The following ELAVL2 variants were observed in gnomAD, a reference collection of about 807,000 sequenced individuals.
ELAVL2 encodes the protein ELAV like RNA binding protein 2.
Under a neutral mutation model 34.6 loss-of-function variants are expected in ELAVL2, and 4 were observed. That is an observed-to-expected ratio of 0.12 (90% CI 0.06 to 0.26). ELAVL2 has a LOEUF of 0.26. Among genes scored for constraint, ELAVL2 ranks in the 10% least tolerant of loss-of-function variants. The pLI is 1.00. For synonymous variants in ELAVL2, 193 were observed against 154.8 expected (o/e 1.25, Z -1.83); for missense variants, 432 against 442.8 (o/e 0.98, Z 0.22).
At chr9:23,757,283 A>G (rs1377509527) in intron 2 of ELAVL2, among the ~76,000 whole-genome samples, 1 of 152,102 alleles carries the variant, frequency 6.6e-6, no homozygotes, top group African/African-American at 2.4e-5. Flanking sequence ...ATCTCTCTAT[A>G]AATTCATCAG....
chr9:23,699,413 C>T lies in ELAVL2; in HGVS notation c.713+1966G>A, dbSNP rs538793177. Among the ~76,000 whole-genome samples, 3 of 152,088 alleles carry T rather than the reference C, an allele frequency of 2.0e-5. No individual in the cohort carries two copies. In the South Asian group the frequency reaches 6.2e-4, roughly 32 times the overall value. ...TATCAAACAAAATCATTGCTTCAATCTGGAAAAAAAAAGTAGCTAATATAG... is the reference window on the plus strand; with the variant it reads ...TATCAAACAAAATCATTGCTTCAATTTGGAAAAAAAAAGTAGCTAATATAG... On this transcript the variant is annotated intron_variant, in intron 5 of 6. Coordinates refer to ENST00000397312, the MANE Select transcript of ELAVL2 (RefSeq NM_004432.5).
intron 2 of ELAVL2, among the ~76,000 whole-genome samples, chr9:23,760,862 G>C (rs1225808297): frequency 1.3e-5 from 2 of 152,002 alleles, no homozygotes; most frequent in Non-Finnish European, 1.5e-5. Context: ...CAAGTCCAGG[G>C]GCTGGCTCTA....
At chr9:23,713,052 C>A (rs562600837) in intron 3 of ELAVL2, among the ~76,000 whole-genome samples, 1 of 152,306 alleles carries the variant, frequency 6.6e-6, no homozygotes, top group African/African-American at 2.4e-5. Context: ...CAAACAGTTG[C>A]ATCCATGTGT....
the ELAVL2 span, among the ~76,000 whole-genome samples, chr9:23,847,563 C>G: frequency 1.3e-5 from 2 of 151,974 alleles, no homozygotes; most frequent in African/African-American, 4.8e-5. Context: ...CGGAACATGA[C>G]CACTGTATTT....
chr9:23,843,981 AAG>A, the ELAVL2 span, among the ~76,000 whole-genome samples: 2 of 152,036 alleles, frequency 1.3e-5, no homozygotes, highest in African/African-American at 2.4e-5. Flanking sequence ...CTCTCATCAT[AAG>A]TACATATCAA....
At chr9:23,763,896 C>G (rs375801433) in intron 1 of ELAVL2, among the ~76,000 whole-genome samples, 1 of 152,050 alleles carries the variant, frequency 6.6e-6, no homozygotes, top group Non-Finnish European at 1.5e-5. Flanking sequence ...TGTTTCTCTA[C>G]GTAAGCTAAG....
chr9:23,722,605 G>C (rs1234652356), intron 3 of ELAVL2, among the ~76,000 whole-genome samples: 1 of 152,212 alleles, frequency 6.6e-6, no homozygotes, highest in Non-Finnish European at 1.5e-5. Context: ...TTTATTTAGA[G>C]TGGTATCTGA....
intron 3 of ELAVL2, among the ~76,000 whole-genome samples, chr9:23,710,109 A>T (rs981175338): frequency 6.6e-6 from 1 of 152,210 alleles, no homozygotes; most frequent in Non-Finnish European, 1.5e-5. Flanking sequence ...ACTAGACAAA[A>T]TAAAGATAGA....
chr9:23,778,244 G>A (rs887951703), intron 1 of ELAVL2, among the ~76,000 whole-genome samples: 6 of 152,130 alleles, frequency 3.9e-5, no homozygotes, highest in Non-Finnish European at 5.9e-5. Context: ...AAGTGGCAAG[G>A]GATAGACAAA....
intron 2 of ELAVL2, among the ~76,000 whole-genome samples, chr9:23,746,766 G>C (rs1267957330): frequency 6.9e-6 from 1 of 144,868 alleles, no homozygotes; most frequent in Non-Finnish European, 1.5e-5. Flanking sequence ...ACTGAGACAA[G>C]TTTGTCTTGG....
At chr9:23,736,081 T>G (rs2047819732) in intron 2 of ELAVL2, among the ~76,000 whole-genome samples, 1 of 152,200 alleles carries the variant, frequency 6.6e-6, no homozygotes, top group Non-Finnish European at 1.5e-5. Context: ...CTGGACCTGT[T>G]TCATTCAAAG....
Position 23,820,741 on chromosome 9 carries a change from C to T in ELAVL2, c.-16+5065G>A, listed in dbSNP as rs1378457248. 2.6e-5 allele frequency among the ~76,000 whole-genome samples: 4 copies of T among 152,206 alleles called. No individual in the cohort carries two copies. The East Asian group carries it at 5.8e-4, about 22-fold the overall frequency. ...ACCAGTGCACGCACACTAGTCCGTG[C>T]ACCCCGGCCGCCGCTGGCAGGCCCT... On this transcript the variant is annotated intron_variant, in intron 1 of 6. Transcript: ENST00000397312.
intron 3 of ELAVL2, among the ~76,000 whole-genome samples, chr9:23,718,079 G>A (rs1232728999): frequency 6.6e-6 from 1 of 152,098 alleles, no homozygotes; most frequent in African/African-American, 2.4e-5. Context: ...TATTAGTCTT[G>A]TTATGGTTCC....
At chr9:23,767,887 A>T (rs1390446545) in intron 1 of ELAVL2, among the ~76,000 whole-genome samples, 1 of 152,168 alleles carries the variant, frequency 6.6e-6, no homozygotes, top group Non-Finnish European at 1.5e-5. Context: ...CACCTGATTT[A>T]GGGACCAGAC....
At chr9:23,819,567 A>C (rs868026851) in intron 1 of ELAVL2, among the ~76,000 whole-genome samples, 2 of 152,134 alleles carry the variant, frequency 1.3e-5, no homozygotes, top group Admixed American at 1.3e-4. Context: ...TCCTGAAAGA[A>C]GACACTACAC....
chr9:23,833,728 G>GT, the ELAVL2 span, among the ~76,000 whole-genome samples: 2 of 151,762 alleles, frequency 1.3e-5, no homozygotes, highest in African/African-American at 4.8e-5. Flanking sequence ...TGTGAAGTTA[G>GT]TTTTTTAAAT....
At chr9:23,763,493 A>C (rs1276612000) in intron 1 of ELAVL2, among the ~76,000 whole-genome samples, 1 of 152,090 alleles carries the variant, frequency 6.6e-6, no homozygotes, top group East Asian at 1.9e-4. Context: ...AAAACTGACA[A>C]TTCTGAATTG....
the ELAVL2 span, among the ~76,000 whole-genome samples, chr9:23,837,471 C>T: frequency 6.6e-6 from 1 of 152,146 alleles, no homozygotes; most frequent in Non-Finnish European, 1.5e-5. Context: ...TGCTAGGTGG[C>T]ATTCTAATCC....
intron 3 of ELAVL2, among the ~76,000 whole-genome samples, chr9:23,727,524 T>A (rs1358841768): frequency 6.6e-6 from 1 of 152,108 alleles, no homozygotes; most frequent in Non-Finnish European, 1.5e-5. Context: ...ACCAAATGTA[T>A]AGAGAACCGC....
Sources: gnomAD v4.1 joint callset for allele counts (sites outside exome capture counted in the v4.1 genomes callset) on GRCh38, gnomAD v4.1.1 for gene constraint, MANE v1.5 for transcripts, NCBI Gene and HGNC (gene_info 2026-07-23, HGNC 2026-07-21) for gene names.